The following LPP variants were observed in gnomAD, a reference collection of about 807,000 sequenced individuals.
LPP encodes the protein LIM domain containing preferred translocation partner in lipoma.
LPP carries 38 observed loss-of-function variants against 60.4 expected under a neutral mutation model. The ratio of observed to expected loss-of-function variants is 0.63; its 90% CI spans 0.49 to 0.83. The LOEUF is 0.83. Ranked by LOEUF, LPP falls within the 40% of genes least tolerant of loss-of-function variation. The pLI is 0.00. For missense variants in LPP, 902 were observed against 783.6 expected (o/e 1.15, Z -1.80); for synonymous variants, 328 against 290.8 (o/e 1.13, Z -1.30).
chr3:188,422,913 T>TGTGTGTG lies in LPP; in HGVS notation c.193+16600_193+16601insGTGTGTG, dbSNP rs1553893973. On this transcript the variant is annotated intron_variant, in intron 4 of 11. Transcript: ENST00000617246. ...CATATTTTTCTTTTTGGTGTCTTCT[T>TGTGTGTG]TGTGTGTGTGTGTGTGTGTGTGTGT... 5.7e-3 allele frequency among the ~76,000 whole-genome samples: 759 copies of TGTGTGTG among 133,870 alleles called. 1 individual carries two copies. Among genetic ancestry groups the TGTGTGTG allele is most frequent in the African/African-American group, 0.014 (474 of 34,920 alleles). 87.8% of individuals were successfully genotyped at this position (133,870 alleles called of 152,430 possible).
intron 7 of LPP, among the ~76,000 whole-genome samples, chr3:188,689,738 G>A (rs1560069322): frequency 6.6e-6 from 1 of 152,186 alleles, no homozygotes; most frequent in Non-Finnish European, 1.5e-5. Context: ...TGAATCACAA[G>A]TGAGCGGAGG....
intron 7 of LPP, among the ~76,000 whole-genome samples, chr3:188,707,015 A>G (rs1039607501): frequency 6.6e-6 from 1 of 152,172 alleles, no homozygotes; most frequent in Non-Finnish European, 1.5e-5. Context: ...ACATAGCACA[A>G]AGCTACTTTA....
intron 6 of LPP, among the ~76,000 whole-genome samples, chr3:188,591,153 C>A (rs1208375093): frequency 6.6e-6 from 1 of 152,144 alleles, no homozygotes; most frequent in Admixed American, 6.5e-5. Context: ...GTCACTTGGA[C>A]ACTTATGTTG....
intron 6 of LPP, among the ~76,000 whole-genome samples, chr3:188,546,017 A>G (rs560969926): frequency 2.0e-5 from 3 of 152,244 alleles, no homozygotes; most frequent in African/African-American, 7.2e-5. Context: ...TTAATGTTTT[A>G]TGTTGTATTT....
At chr3:188,536,701 GT>G (rs1823737785) in intron 6 of LPP, among the ~76,000 whole-genome samples, 1 of 152,148 alleles carries the variant, frequency 6.6e-6, no homozygotes, top group Non-Finnish European at 1.5e-5. Flanking sequence ...ATTTAAGTGG[GT>G]TAAAAAGATA....
intron 2 of LPP, among the ~76,000 whole-genome samples, chr3:188,252,031 G>GATATATATAT (rs10579787): frequency 1.4e-4 from 6 of 41,414 alleles, no homozygotes; most frequent in Non-Finnish European, 2.6e-4. Flanking sequence ...TTTTAATCCT[G>GATATATATAT]ATATATATAT....
At chr3:188,235,372 C>T (rs767468660) in intron 2 of LPP, among the ~76,000 whole-genome samples, 1 of 151,732 alleles carries the variant, frequency 6.6e-6, no homozygotes, top group Non-Finnish European at 1.5e-5. Context: ...TTCAGGAGGT[C>T]GAAGTTCACA....
rs1464270690 is a variant in LPP, at chr3:188,882,062, A to G, written c.*7583A>G. On this transcript the variant is annotated 3_prime_UTR_variant, in exon 12 of 12. Coordinates refer to ENST00000617246, the MANE Select transcript of LPP (RefSeq NM_001375462.1). ...TTATAATTACCAAATAATCACTGTT[A>G]GAGAATCAGCCCCTAAGTAACTTTG... The G allele has an allele frequency of 9.5e-6, 2 of 210,324 alleles. No individual in the cohort carries two copies. 13.0% of individuals were successfully genotyped at this position (210,324 alleles called of 1,614,324 possible). A position where few individuals can be genotyped will look rare whatever the true frequency, so the allele number is the denominator to read the frequency against.
chr3:188,199,904 G>A (rs1295210986), intron 1 of LPP, among the ~76,000 whole-genome samples: 4 of 151,882 alleles, frequency 2.6e-5, no homozygotes, highest in Non-Finnish European at 4.4e-5. Context: ...TAGTAGAGAC[G>A]GGGTTTCACC....
chr3:188,660,834 T>A (rs1375218892), intron 7 of LPP, among the ~76,000 whole-genome samples: 1 of 152,206 alleles, frequency 6.6e-6, no homozygotes, highest in East Asian at 1.9e-4. Context: ...TCGATAAACC[T>A]ACATTGTCAC....
In LPP at chr3:188,173,220, G is replaced by A. The variant is rs192102478; in HGVS notation, c.-190+18968G>A. Reference sequence around the variant, plus strand: ...TTCCTTATAGAAAAGCCTATTACAGGTCAGGCGCGGTGGCTCATGCCTGTA... The same window carrying A: ...TTCCTTATAGAAAAGCCTATTACAGATCAGGCGCGGTGGCTCATGCCTGTA... On this transcript the variant is annotated intron_variant, in intron 1 of 11. Transcript: ENST00000617246. 5.1e-3 allele frequency among the ~76,000 whole-genome samples: 773 copies of A among 152,272 alleles called. 4 individuals are homozygous for A. The highest frequency in any genetic ancestry group is 8.4e-3 in the Non-Finnish European group (573 of 68,028).
chr3:188,473,971 C>A (rs1802498247), intron 4 of LPP, among the ~76,000 whole-genome samples: 1 of 152,146 alleles, frequency 6.6e-6, no homozygotes, highest in Non-Finnish European at 1.5e-5. Flanking sequence ...AAACAAAAAA[C>A]CTAGCTAGAT....
intron 3 of LPP, among the ~76,000 whole-genome samples, chr3:188,342,578 TATC>T (rs1326904592): frequency 3.9e-5 from 6 of 152,240 alleles, no homozygotes; most frequent in Non-Finnish European, 7.3e-5. Flanking sequence ...GAAGATTTGA[TATC>T]ATTATTTAGA....
chr3:188,799,899 C>G (rs1474511875), intron 9 of LPP, among the ~76,000 whole-genome samples: 1 of 152,178 alleles, frequency 6.6e-6, no homozygotes, highest in Non-Finnish European at 1.5e-5. Flanking sequence ...TTTTCAACTC[C>G]TCTCTCTAGA....
intron 3 of LPP, among the ~76,000 whole-genome samples, chr3:188,355,282 C>T (rs1458606152): frequency 2.0e-5 from 3 of 152,320 alleles, no homozygotes; most frequent in African/African-American, 7.2e-5. Context: ...GCTGGGATTA[C>T]AGGCGTGAGC....
chr3:188,685,083 C>T (rs1860402042), intron 7 of LPP, among the ~76,000 whole-genome samples: 1 of 152,096 alleles, frequency 6.6e-6, no homozygotes, highest in African/African-American at 2.4e-5. Flanking sequence ...TTCCATTTTG[C>T]ATTGAGGAAG....
At chr3:188,653,259 G>A (rs534531630) in intron 7 of LPP, among the ~76,000 whole-genome samples, 12 of 152,176 alleles carry the variant, frequency 7.9e-5, no homozygotes, top group Non-Finnish European at 1.6e-4. Flanking sequence ...GGGCATCACA[G>A]GACTTCCCTC....
chr3:188,592,557 G>GTTTTTTTGTTTTTTTTTTT (rs1553936333), intron 6 of LPP, among the ~76,000 whole-genome samples: 1 of 85,750 alleles, frequency 1.2e-5, no homozygotes, highest in African/African-American at 4.5e-5. Context: ...TTTTGTTTTT[G>GTTTTTTTGTTTTTTTTTTT]TTTTTTAAAT....
At chr3:188,845,856 G>C (rs1325506194) in intron 9 of LPP, among the ~76,000 whole-genome samples, 1 of 152,204 alleles carries the variant, frequency 6.6e-6, no homozygotes, top group Non-Finnish European at 1.5e-5. Flanking sequence ...TGACTACAAA[G>C]AGGTTATTTA....
Sources: gnomAD v4.1 joint callset for allele counts (sites outside exome capture counted in the v4.1 genomes callset) on GRCh38, gnomAD v4.1.1 for gene constraint, MANE v1.5 for transcripts, NCBI Gene and HGNC (gene_info 2026-07-23, HGNC 2026-07-21) for gene names.